The following GALNT13 variants were observed in gnomAD, a reference collection of about 807,000 sequenced individuals.
The protein encoded by GALNT13 is polypeptide N-acetylgalactosaminyltransferase 13.
GALNT13 carries 28 observed loss-of-function variants against 64.2 expected under a neutral mutation model. The observed-to-expected ratio is 0.44, with a 90% confidence interval of 0.32 to 0.60. The LOEUF (loss-of-function observed/expected upper bound fraction) is 0.60, where lower values mean the gene tolerates loss of function less well. Ranked by LOEUF, GALNT13 falls within the 20% of genes least tolerant of loss-of-function variation. The probability of loss-of-function intolerance (pLI) is 0.05; values close to 1 mark genes in which losing one functional copy is unlikely to be tolerated. For synonymous variants in GALNT13, 214 were observed against 224.6 expected (o/e 0.95, Z 0.42); for missense variants, 577 against 669.8 (o/e 0.86, Z 1.53).
chr2:153,670,803 G>GA, the GALNT13 span, among the ~76,000 whole-genome samples: 2 of 152,188 alleles, frequency 1.3e-5, no homozygotes, highest in Admixed American at 1.3e-4. Context: ...TAAAAACCTT[G>GA]AAAGAAGGTT....
chr2:154,063,786 T>C (rs558698753), intron 3 of GALNT13, among the ~76,000 whole-genome samples: 6 of 152,130 alleles, frequency 3.9e-5, no homozygotes, highest in African/African-American at 1.4e-4. Context: ...TGCAGTAAAA[T>C]ATGAAAAATA....
chr2:153,718,233 CTGTT>C, the GALNT13 span, among the ~76,000 whole-genome samples: 2 of 151,924 alleles, frequency 1.3e-5, no homozygotes, highest in Non-Finnish European at 2.9e-5. Flanking sequence ...AGAGACGAAA[CTGTT>C]TGTTAATGGT....
chr2:153,643,220 T>C, the GALNT13 span, among the ~76,000 whole-genome samples: 1 of 151,378 alleles, frequency 6.6e-6, no homozygotes, highest in Non-Finnish European at 1.5e-5. Flanking sequence ...AAAACACTTT[T>C]CTGTAATGAC....
chr2:153,701,656 T>A, the GALNT13 span, among the ~76,000 whole-genome samples: 5 of 152,022 alleles, frequency 3.3e-5, no homozygotes, highest in East Asian at 9.7e-4. Context: ...AACAATCCCA[T>A]CGAAAAATGG....
intron 3 of GALNT13, among the ~76,000 whole-genome samples, chr2:154,010,733 G>A (rs900922971): frequency 1.3e-4 from 19 of 151,960 alleles, no homozygotes; most frequent in Non-Finnish European, 2.5e-4. Flanking sequence ...TTTTCTGCTT[G>A]TTAGGCTTTT....
the GALNT13 span, among the ~76,000 whole-genome samples, chr2:153,580,651 G>T: frequency 6.6e-6 from 1 of 152,300 alleles, no homozygotes; most frequent in African/African-American, 2.4e-5. Context: ...GCTTTATCTT[G>T]TGAGGGAAAC....
intron 3 of GALNT13, among the ~76,000 whole-genome samples, chr2:153,995,720 A>G (rs140157828): frequency 1.6e-3 from 249 of 152,184 alleles, no homozygotes; most frequent in African/African-American, 5.6e-3. Context: ...TATGCAATAC[A>G]TTGCTATTAG....
At chr2:154,128,226 A>G (rs1682407711) in intron 3 of GALNT13, among the ~76,000 whole-genome samples, 1 of 151,988 alleles carries the variant, frequency 6.6e-6, no homozygotes, top group Admixed American at 6.6e-5. Flanking sequence ...GAACTAGCAT[A>G]TTTCTTTGGC....
chr2:153,174,626 G>A, the GALNT13 span, among the ~76,000 whole-genome samples: 64 of 152,156 alleles, frequency 4.2e-4, no homozygotes, highest in East Asian at 6.2e-3. Flanking sequence ...TCAGCACTTT[G>A]CTTAGAAATC....
chr2:154,078,616 C>T (rs1391569400), intron 3 of GALNT13, among the ~76,000 whole-genome samples: 2 of 151,264 alleles, frequency 1.3e-5, no homozygotes, highest in Non-Finnish European at 3.0e-5. Context: ...TTTAAATGTA[C>T]TTATATTTTC....
chr2:154,354,013 C>T (rs921868234), intron 9 of GALNT13, among the ~76,000 whole-genome samples: 1 of 152,158 alleles, frequency 6.6e-6, no homozygotes, highest in Non-Finnish European at 1.5e-5. Context: ...CTACACCAAT[C>T]AACATTTTCA....
intron 2 of GALNT13, among the ~76,000 whole-genome samples, chr2:153,904,886 T>A (rs1688452224): frequency 6.6e-6 from 1 of 151,896 alleles, no homozygotes; most frequent in Non-Finnish European, 1.5e-5. Flanking sequence ...CCAGTTGTTA[T>A]AGAATCATAC....
At chr2:153,863,743 T>G in the GALNT13 span, among the ~76,000 whole-genome samples, 2 of 152,102 alleles carry the variant, frequency 1.3e-5, no homozygotes, top group Admixed American at 6.6e-5. Context: ...ATATATATAT[T>G]TAACGAAATA....
chr2:154,215,173 T>C (rs1280325028), intron 4 of GALNT13, among the ~76,000 whole-genome samples: 2 of 152,172 alleles, frequency 1.3e-5, no homozygotes, highest in East Asian at 3.9e-4. Context: ...GAGCTCTCAC[T>C]CTCCCTTGAC....
chr2:153,466,255 T>C, the GALNT13 span, among the ~76,000 whole-genome samples: 4,716 of 152,130 alleles, frequency 0.031, 245 homozygotes, highest in African/African-American at 0.11. Context: ...TTCTACTCAC[T>C]CTTGCCAGTT....
the GALNT13 span, among the ~76,000 whole-genome samples, chr2:153,751,109 G>A: frequency 2.6e-4 from 40 of 151,842 alleles, no homozygotes; most frequent in Non-Finnish European, 3.8e-4. Flanking sequence ...CTATGTATTC[G>A]TATAGTTTCC....
At chr2:153,569,646 G>C in the GALNT13 span, among the ~76,000 whole-genome samples, 1 of 151,964 alleles carries the variant, frequency 6.6e-6, no homozygotes, top group Non-Finnish European at 1.5e-5. Flanking sequence ...CGGAAAATAG[G>C]ACATCCGTCC....
the GALNT13 span, among the ~76,000 whole-genome samples, chr2:153,845,922 A>T: frequency 6.6e-6 from 1 of 152,196 alleles, no homozygotes; most frequent in Non-Finnish European, 1.5e-5. Flanking sequence ...CTCAACAGAG[A>T]TGAAAGAAAA....
chr2:153,532,160 C>T, the GALNT13 span, among the ~76,000 whole-genome samples: 1 of 152,118 alleles, frequency 6.6e-6, no homozygotes, highest in Non-Finnish European at 1.5e-5. Flanking sequence ...GTGAGCGCTC[C>T]ACTCCTGCAG....
Sources: allele counts gnomAD v4.1 joint callset (sites outside exome capture counted in the v4.1 genomes callset), GRCh38; gene constraint gnomAD v4.1.1; transcripts MANE v1.5; gene names NCBI Gene and HGNC (gene_info 2026-07-23, HGNC 2026-07-21).